Variants in SLC44A3 observed in about 807,000 individuals in gnomAD.
SLC44A3 encodes the protein solute carrier family 44 member 3, also known as choline transporter-like protein 3.
Under a neutral mutation model 75.4 loss-of-function variants are expected in SLC44A3, and 74 were observed. The observed-to-expected ratio is 0.98, with a 90% CI of 0.81 to 1.19. The LOEUF is 1.19. Among genes scored for constraint, SLC44A3 ranks in the 50% most tolerant of loss-of-function variants. The pLI is 0.00. For synonymous variants in SLC44A3, 310 were observed against 296.9 expected (o/e 1.04, Z -0.45); for missense variants, 700 against 778.6 (o/e 0.90, Z 1.20).
rs547122678 is a variant in SLC44A3 at position 94,835,745 on chromosome 1, C to T, written c.510-1966C>T. Among the ~76,000 whole-genome samples, 6 of 152,178 alleles carry T rather than the reference C, an allele frequency of 3.9e-5. No individual in the cohort carries two copies. In the South Asian group the frequency reaches 6.2e-4, roughly 16 times the overall value. On this transcript the variant is annotated intron_variant, in intron 5 of 14. Transcript: ENST00000271227. The stretch of plus-strand genomic sequence containing the variant: ...AATTTTTATTATCTTTGAGCTCAGC[C>T]GCAAATTCCATTTAAACTTCCTATG...
chr1:94,848,775 A>G (rs1318284861), intron 9 of SLC44A3, among the ~76,000 whole-genome samples: 1 of 152,068 alleles, frequency 6.6e-6, no homozygotes, highest in Non-Finnish European at 1.5e-5. Context: ...ATCGCAGTGA[A>G]GATTGATGGA....
chr1:94,820,507 G>A (rs757187600), intron 1 of SLC44A3, 29 bp downstream of exon 1: 2 of 1,487,216 alleles, frequency 1.3e-6, no homozygotes, highest in Middle Eastern at 1.8e-4. Context: ...GGCCCTCGGG[G>A]GAGGAGCCCC....
chr1:94,837,817 A>C lies in SLC44A3; in HGVS notation c.616A>C (p.Ser206Arg), dbSNP rs1348915747. Residue 206 changes from serine to arginine, a missense_variant, in exon 6 of 15, where the codon AGT (serine) becomes CGT (arginine). Coordinates refer to ENST00000271227, the MANE Select transcript of SLC44A3 (RefSeq NM_001114106.3). ...TGTTGACACCCTCCACCGAATTCTA[A>C]GTGGAATCATGTCGGGAAGAGATAC... ...NDVDTLHRIL[S>R]GIMSGRDTIL... is the part of the protein sequence containing the mutation. The C allele has an allele frequency of 6.2e-7, 1 of 1,612,688 alleles. No homozygotes were observed. The highest frequency in any genetic ancestry group is 8.5e-7 in the Non-Finnish European group (1 of 1,179,634).
At chr1:94,865,044 T>A in intron 11 of SLC44A3, 145 bp downstream of exon 11, 2 of 639,638 alleles carry the variant, frequency 3.1e-6, no homozygotes, top group Non-Finnish European at 4.9e-6. Context: ...TCAGCTCCCA[T>A]CCCCCGCCTC....
intron 3 of SLC44A3, among the ~76,000 whole-genome samples, chr1:94,826,259 A>AT (rs1465673212): frequency 1.3e-5 from 2 of 152,202 alleles, no homozygotes; most frequent in Non-Finnish European, 2.9e-5. Flanking sequence ...CTATTGTTTA[A>AT]TGGGTACAGA....
At chr1:94,842,263 G>C in intron 8 of SLC44A3, 139 bp downstream of exon 8, 1 of 1,200,752 alleles carries the variant, frequency 8.3e-7, no homozygotes, top group South Asian at 1.6e-5. Context: ...TGAGATACCT[G>C]TATAGGGATA....
At chr1:94,848,321 A>G (rs1278373742) in intron 9 of SLC44A3, among the ~76,000 whole-genome samples, 1 of 151,954 alleles carries the variant, frequency 6.6e-6, no homozygotes, top group East Asian at 1.9e-4. Context: ...GGCTGTGCCC[A>G]TAATGTGTCT....
intron 13 of SLC44A3, among the ~76,000 whole-genome samples, chr1:94,891,525 G>T (rs937220446): frequency 6.6e-6 from 1 of 152,150 alleles, no homozygotes; most frequent in Non-Finnish European, 1.5e-5. Flanking sequence ...CCTGTGATCA[G>T]TTCTACCATT....
At chr1:94,869,399 T>C (rs950939497) in intron 12 of SLC44A3, among the ~76,000 whole-genome samples, 5 of 152,206 alleles carry the variant, frequency 3.3e-5, no homozygotes, top group Non-Finnish European at 7.4e-5. Flanking sequence ...GAGTCAGTGG[T>C]GCAAACAGGG....
intron 12 of SLC44A3, among the ~76,000 whole-genome samples, chr1:94,889,005 C>G (rs1669916265): frequency 6.6e-6 from 1 of 152,048 alleles, no homozygotes; most frequent in Non-Finnish European, 1.5e-5. Flanking sequence ...TGATCTGCCC[C>G]AACCCCTGGC....
At chr1:94,844,581 T>A (rs74101887) in intron 8 of SLC44A3, among the ~76,000 whole-genome samples, 2,671 of 152,242 alleles carry the variant, frequency 0.018, 70 homozygotes, top group African/African-American at 0.058. Flanking sequence ...TATGCTGAAG[T>A]CAAGCAAGAC....
At chr1:94,874,775 A>G (rs1223009468) in intron 12 of SLC44A3, among the ~76,000 whole-genome samples, 1 of 152,170 alleles carries the variant, frequency 6.6e-6, no homozygotes, top group Non-Finnish European at 1.5e-5. Context: ...TAAACAGATG[A>G]TAATACTTTG....
chr1:94,853,733 A>T (rs1665506311), intron 9 of SLC44A3, among the ~76,000 whole-genome samples: 1 of 152,120 alleles, frequency 6.6e-6, no homozygotes, highest in East Asian at 1.9e-4. Flanking sequence ...GAGAGTGAGG[A>T]TGGGAAGGAA....
chr1:94,885,521 C>T (rs1334203580), intron 12 of SLC44A3, among the ~76,000 whole-genome samples: 2 of 152,178 alleles, frequency 1.3e-5, no homozygotes, highest in African/African-American at 4.8e-5. Context: ...ACATCCTCAG[C>T]TGTTTTCAAT....
intron 12 of SLC44A3, among the ~76,000 whole-genome samples, chr1:94,877,405 C>G (rs1668410055): frequency 6.6e-6 from 1 of 152,120 alleles, no homozygotes; most frequent in Admixed American, 6.5e-5. Flanking sequence ...CCCACCTGGC[C>G]CCCTAACCTT....
intron 10 of SLC44A3, among the ~76,000 whole-genome samples, chr1:94,862,168 T>G (rs1362901764): frequency 6.6e-6 from 1 of 152,230 alleles, no homozygotes; most frequent in East Asian, 1.9e-4. Context: ...AAACCCCATC[T>G]TGCAGTGATT....
chr1:94,892,176 C>A, intron 13 of SLC44A3, 105 bp from the exon 14 acceptor site: 1 of 1,008,022 alleles, frequency 9.9e-7, no homozygotes, highest in Non-Finnish European at 1.5e-6. Flanking sequence ...ATAGTGCACA[C>A]ACACGTTGCA....
chr1:94,865,601 C>T (rs1408693254), intron 11 of SLC44A3, among the ~76,000 whole-genome samples: 4 of 152,202 alleles, frequency 2.6e-5, no homozygotes, highest in South Asian at 4.1e-4. Flanking sequence ...ACCAGAACAC[C>T]AGGAAAACAG....
chr1:94,884,770 G>GC (rs759714085), intron 12 of SLC44A3, among the ~76,000 whole-genome samples: 2 of 152,130 alleles, frequency 1.3e-5, no homozygotes, highest in Non-Finnish European at 2.9e-5. Context: ...TGGACAAAAG[G>GC]CTGAGCTGTG....
Sources: allele counts gnomAD v4.1 joint callset (sites outside exome capture counted in the v4.1 genomes callset), GRCh38; gene constraint gnomAD v4.1.1; transcripts MANE v1.5; gene names NCBI Gene and HGNC (gene_info 2026-07-23, HGNC 2026-07-21).